The following MAPK1IP1L variants were observed in gnomAD, a reference collection of about 807,000 sequenced individuals.
The protein encoded by MAPK1IP1L is MAPK-interacting and spindle-stabilizing protein-like.
A neutral mutation model predicts 18.1 loss-of-function variants in MAPK1IP1L; 10 were observed. The ratio of observed to expected loss-of-function variants is 0.55; its 90% CI spans 0.34 to 0.94. The LOEUF is 0.94. MAPK1IP1L is among the 40% of genes least tolerant of loss of function. MAPK1IP1L has a pLI of 0.02. For missense variants in MAPK1IP1L, 260 were observed against 318.2 expected, an observed-to-expected ratio of 0.82 and a Z score of 1.39; for synonymous variants, 115 against 117.3, an observed-to-expected ratio of 0.98 and a Z score of 0.13.
intron 1 of MAPK1IP1L, among the ~76,000 whole-genome samples, chr14:55,056,545 T>C (rs1481731358): frequency 6.6e-6 from 1 of 152,200 alleles, no homozygotes; most frequent in East Asian, 1.9e-4. Context: ...GAGTTTGCAC[T>C]GTCACCCAGG....
intron 1 of MAPK1IP1L, among the ~76,000 whole-genome samples, chr14:55,057,621 T>C (rs996540409): frequency 3.3e-5 from 5 of 151,994 alleles, no homozygotes; most frequent in African/African-American, 9.7e-5. Flanking sequence ...GTGGGTGTAG[T>C]GGCCCGCACC....
At chr14:55,053,072 T>C (rs1165630969) in intron 1 of MAPK1IP1L, among the ~76,000 whole-genome samples, 1 of 152,222 alleles carries the variant, frequency 6.6e-6, no homozygotes, top group African/African-American at 2.4e-5. Context: ...ATAAATAGCT[T>C]CAGGTCACAT....
chr14:55,062,668 C>T lies in MAPK1IP1L; in HGVS notation c.69C>T (p.Ser23=), dbSNP rs1217074343. 3.1e-6 allele frequency: 5 copies of T among 1,613,986 alleles called. No individual in the cohort carries two copies. The highest frequency in any genetic ancestry group is 4.2e-6 in the Non-Finnish European group (5 of 1,180,022). ...CCCCTGCCAAAACCTCTGCTGTGAG[C>T]AATACAAAACCTGGCCAACCTCCTC... ...EHSPAKTSAV[S]NTKPGQPPQG... is the part of the protein sequence containing the mutation. The change falls in exon 3 of 4, where the codon AGC becomes AGT. Residue 23 remains serine (S), a synonymous_variant. Transcript: ENST00000395468.
intron 3 of MAPK1IP1L, 106 bp downstream of exon 3, chr14:55,063,431 A>G: frequency 1.0e-6 from 1 of 959,978 alleles, no homozygotes; most frequent in Non-Finnish European, 1.5e-6. Context: ...TTAAGTTTTT[A>G]AAAGAGGGTG....
At chr14:55,056,311 T>C (rs1486074495) in intron 1 of MAPK1IP1L, among the ~76,000 whole-genome samples, 2 of 152,182 alleles carry the variant, frequency 1.3e-5, no homozygotes, top group South Asian at 2.1e-4. Context: ...GGCCATTTGG[T>C]TCACTTTGAT....
At chr14:55,052,810 T>C (rs1013297531) in intron 1 of MAPK1IP1L, among the ~76,000 whole-genome samples, 1 of 152,214 alleles carries the variant, frequency 6.6e-6, no homozygotes, top group Non-Finnish European at 1.5e-5. Context: ...TTGGAGTGAA[T>C]TGCAAATATT....
Position 55,062,987 on chromosome 14 carries a change from T to C in MAPK1IP1L, c.388T>C (p.Tyr130His), listed in dbSNP as rs771519746. The change falls in exon 3 of 4, where the codon TAT (tyrosine) becomes CAT (histidine). Residue 130 changes from tyrosine to histidine, a missense_variant. By Grantham distance (83) the Tyr-to-His change is moderately conservative. Transcript: ENST00000395468. The part of the protein sequence containing the change: ...NMPFPELPRP[Y>H]GAPTDPAAAG... ...GCCCTTTCCAGAGCTACCCAGACCA[T>C]ATGGTGCACCCACAGATCCAGCTGC... 11 of 1,613,570 alleles carry C rather than the reference T, an allele frequency of 6.8e-6. No individual in the cohort carries two copies. The highest frequency in any genetic ancestry group is 9.3e-6 in the Non-Finnish European group (11 of 1,179,576).
At chr14:55,058,140 C>T (rs150346825) in intron 1 of MAPK1IP1L, among the ~76,000 whole-genome samples, 31 of 152,218 alleles carry the variant, frequency 2.0e-4, no homozygotes, top group Non-Finnish European at 3.2e-4. Context: ...CAGACTGGGC[C>T]GCGTAGACAC....
chr14:55,064,310 CTG>C (rs1181214276), intron 3 of MAPK1IP1L, among the ~76,000 whole-genome samples: 1 of 151,800 alleles, frequency 6.6e-6, no homozygotes, highest in Non-Finnish European at 1.5e-5. Context: ...AAAAAAAAAT[CTG>C]TTAACTCTTA....
In MAPK1IP1L at chr14:55,063,142, A is replaced by C. The variant is rs17851309; in HGVS notation, c.543A>C (p.Gln181His). ...CATATCCCGCTCCTCCTCCTCCCCA[A>C]GCCCCTGGGGCAGCACCACCTGTTC... ...PGPYPAPPPP[Q>H]APGAAPPVPW... Residue 181 changes from glutamine (Q) to histidine (H), a missense_variant, in exon 3 of 4, where the codon CAA (glutamine) becomes CAC (histidine). Coordinates refer to ENST00000395468, the MANE Select transcript of MAPK1IP1L (RefSeq NM_144578.4). 9 of 1,613,756 alleles carry C rather than the reference A, an allele frequency of 5.6e-6. No homozygotes were observed. The highest frequency in any genetic ancestry group is 6.8e-6 in the Non-Finnish European group (8 of 1,179,992).
Position 55,061,774 on chromosome 14 carries a change from G to A in MAPK1IP1L, c.18+73G>A, listed in dbSNP as rs138676529. 422 of 1,233,124 alleles carry A rather than the reference G, an allele frequency of 3.4e-4. 1 individual carries two copies. The highest frequency in any genetic ancestry group is 3.3e-3 in the African/African-American group (214 of 64,540). 76.4% of individuals were successfully genotyped at this position (1,233,124 alleles called of 1,614,324 possible). On this transcript the variant is annotated intron_variant, in intron 2 of 3. Transcript: ENST00000395468. ...AACAACATGGTCCTAACTGGGCTAC[G>A]TAAATCTTTTCACTTAAAAGAGATG...
chr14:55,064,809 A>G lies in MAPK1IP1L; in HGVS notation c.*182A>G, dbSNP rs1212200026. 8 of 503,138 alleles carry G rather than the reference A, an allele frequency of 1.6e-5. No homozygotes were observed. Among genetic ancestry groups the G allele is most frequent in the South Asian group, 8.1e-5 (2 of 24,694 alleles). The allele number at this position is 503,138 out of a possible 1,614,324, so 31.2% of individuals were successfully genotyped here. On this transcript the variant is annotated 3_prime_UTR_variant, in exon 4 of 4. Transcript: ENST00000395468. Reference sequence around the variant, plus strand: ...ATGCGTAGTACATCATATGTATACAATCAGATAAAAGCATAGAAGTAAATC... The same window carrying G: ...ATGCGTAGTACATCATATGTATACAGTCAGATAAAAGCATAGAAGTAAATC...
rs371703098 is a variant in MAPK1IP1L at position 55,059,201 on chromosome 14, AAAT to A, written c.-4-2476_-4-2474del. 6.4e-3 allele frequency among the ~76,000 whole-genome samples: 972 copies of A among 150,726 alleles called. 18 individuals carry two copies. The highest frequency in any genetic ancestry group is 0.038 in the South Asian group (181 of 4,726). Reference sequence around the variant, plus strand: ...ATTTTTTTTTTTAACGATCTGGAAAAAATAAAAATACATAGGAAAATCTGAAAA... The same window carrying A: ...ATTTTTTTTTTTAACGATCTGGAAAAAAAAATACATAGGAAAATCTGAAAA... On this transcript the variant is annotated intron_variant, in intron 1 of 3. Transcript: ENST00000395468.
intron 1 of MAPK1IP1L, among the ~76,000 whole-genome samples, chr14:55,058,132 G>A (rs1193365751): frequency 6.6e-6 from 1 of 152,198 alleles, no homozygotes; most frequent in East Asian, 1.9e-4. Flanking sequence ...CACGCTCACA[G>A]ACTGGGCCGC....
chr14:55,053,494 T>G (rs776036017), intron 1 of MAPK1IP1L, among the ~76,000 whole-genome samples: 1 of 152,224 alleles, frequency 6.6e-6, no homozygotes, highest in Non-Finnish European at 1.5e-5. Flanking sequence ...CTGGCCTGGT[T>G]TTTATTTGTT....
chr14:55,063,029 C>T lies in MAPK1IP1L; in HGVS notation c.430C>T (p.Pro144Ser). 2 of 1,614,020 alleles carry T rather than the reference C, an allele frequency of 1.2e-6. No homozygotes were observed. The highest frequency in any genetic ancestry group is 1.1e-5 in the South Asian group (1 of 91,076). The change falls in exon 3 of 4, where the codon CCA becomes TCA. Residue 144 changes from proline (P) to serine (S), a missense_variant. Coordinates refer to ENST00000395468, the MANE Select transcript of MAPK1IP1L (RefSeq NM_144578.4). Reference protein sequence around the residue: ...TDPAAAGPLGPWGSMSSGPWA... With the variant: ...TDPAAAGPLGSWGSMSSGPWA... Reference sequence around the variant, plus strand: ...TCCAGCTGCAGCTGGTCCTTTAGGTCCATGGGGATCCATGTCTTCTGGACC... The same window carrying T: ...TCCAGCTGCAGCTGGTCCTTTAGGTTCATGGGGATCCATGTCTTCTGGACC...
rs145479721 is a variant in MAPK1IP1L at position 55,059,895 on chromosome 14, C to T, written c.-4-1785C>T. Reference sequence around the variant, plus strand: ...CAGCAGTATAGTGTAGTAAAGGTAGCTTGTCCAATTAGCTGAGAAAAGATA... The same window carrying T: ...CAGCAGTATAGTGTAGTAAAGGTAGTTTGTCCAATTAGCTGAGAAAAGATA... On this transcript the variant is annotated intron_variant, in intron 1 of 3. Coordinates refer to ENST00000395468, the MANE Select transcript of MAPK1IP1L (RefSeq NM_144578.4). Among the ~76,000 whole-genome samples the T allele has an allele frequency of 3.1e-3, 474 of 152,224 alleles. 1 individual carries two copies. Among genetic ancestry groups the T allele is most frequent in the African/African-American group, 0.011 (441 of 41,534 alleles).
rs1442728043 is a variant in MAPK1IP1L at position 55,069,474 on chromosome 14, T to A, written c.*4847T>A. ...TATGGATGTGATACTTGGTATTTTT[T>A]AAGATAAACTTGTTTGCTTTTGTGT... On this transcript the variant is annotated 3_prime_UTR_variant, in exon 4 of 4. Coordinates refer to ENST00000395468, the MANE Select transcript of MAPK1IP1L (RefSeq NM_144578.4). 2.6e-5 allele frequency: 4 copies of A among 152,664 alleles called. No homozygotes were observed. Among genetic ancestry groups the A allele is most frequent in the Non-Finnish European group, 5.9e-5 (4 of 68,042 alleles). 9.5% of individuals were successfully genotyped at this position (152,664 alleles called of 1,614,324 possible).
chr14:55,059,245 AGAC>A (rs1434714639), intron 1 of MAPK1IP1L, among the ~76,000 whole-genome samples: 5 of 146,906 alleles, frequency 3.4e-5, no homozygotes, highest in African/African-American at 5.1e-5. Flanking sequence ...AAAAAAAAAA[AGAC>A]AGTAGGGTGA....
Sources: gnomAD v4.1 joint callset for allele counts (sites outside exome capture counted in the v4.1 genomes callset) on GRCh38, gnomAD v4.1.1 for gene constraint, MANE v1.5 for transcripts, NCBI Gene and HGNC (gene_info 2026-07-23, HGNC 2026-07-21) for gene names.